SH3BP4: variants seen among roughly 807,000 people sequenced by gnomAD.
SH3BP4 encodes SH3 domain binding protein 4, also known as SH3 domain-binding protein 4.
A neutral mutation model predicts 65.5 loss-of-function variants in SH3BP4; 33 were observed. That is an observed-to-expected ratio of 0.50 (90% CI 0.38 to 0.67). The LOEUF (loss-of-function observed/expected upper bound fraction) is 0.67, where lower values mean the gene tolerates loss of function less well. Ranked by LOEUF, SH3BP4 falls within the 30% of genes least tolerant of loss-of-function variation. The probability of loss-of-function intolerance (pLI) is 0.00; values close to 1 mark genes in which losing one functional copy is unlikely to be tolerated. For missense variants in SH3BP4, 1,134 were observed against 1,261.4 expected (o/e 0.90, Z 1.53); for synonymous variants, 552 against 545.5 (o/e 1.01, Z -0.17).
intron 1 of SH3BP4, among the ~76,000 whole-genome samples, chr2:234,968,505 C>A (rs549259987): frequency 6.6e-6 from 1 of 151,026 alleles, no homozygotes; most frequent in Admixed American, 6.7e-5. Flanking sequence ...TTTTCTTTGG[C>A]TGAGAATGCC....
Position 235,033,155 on chromosome 2 carries a change from G to A in SH3BP4, c.-132-1716G>A, listed in dbSNP as rs1338759010. Among the ~76,000 whole-genome samples the A allele has an allele frequency of 6.6e-6, 1 of 152,182 alleles. No homozygotes were observed. Among genetic ancestry groups the A allele is most frequent in the East Asian group, 1.9e-4 (1 of 5,180 alleles). On this transcript the variant is annotated intron_variant, in intron 2 of 5. Coordinates refer to ENST00000392011, the MANE Select transcript of SH3BP4 (RefSeq NM_014521.3). This position sits in a 1 kb window ranked among gnomAD's most constrained non-coding sequence, Gnocchi z 5.7. ...ACCATGCCCTCCTCTCCTGCCGCCT[G>A]CTGCATTCAAGCACCACAGCCCCGG...
intron 1 of SH3BP4, among the ~76,000 whole-genome samples, chr2:234,993,624 G>A (rs965525364): frequency 3.3e-5 from 5 of 152,234 alleles, no homozygotes; most frequent in African/African-American, 7.2e-5. Context: ...AGCCTCATTC[G>A]TAGTTTCACT....
In SH3BP4 at chr2:235,045,160, A is replaced by G. The variant is rs1695809184; in HGVS notation, c.2478+1913A>G. Reference sequence around the variant, plus strand: ...GGTGCACCCAGCACAGTGGCAGACAAAGCGCCTCCATCCCGTGAGAGCCTC... The same window carrying G: ...GGTGCACCCAGCACAGTGGCAGACAGAGCGCCTCCATCCCGTGAGAGCCTC... On this transcript the variant is annotated intron_variant, in intron 4 of 5. Coordinates refer to ENST00000392011, the MANE Select transcript of SH3BP4 (RefSeq NM_014521.3). The surrounding 1 kb of genome is among the most constrained non-coding windows in gnomAD (Gnocchi z 4.3). 6.6e-6 allele frequency among the ~76,000 whole-genome samples: 1 copy of G among 152,114 alleles called. No individual in the cohort carries two copies. Among genetic ancestry groups the G allele is most frequent in the Non-Finnish European group, 1.5e-5 (1 of 68,028 alleles).
chr2:234,988,204 C>T lies in SH3BP4; in HGVS notation c.-206-7099C>T, dbSNP rs187999452. On this transcript the variant is annotated intron_variant, in intron 1 of 5. Coordinates refer to ENST00000392011, the MANE Select transcript of SH3BP4 (RefSeq NM_014521.3). ...CCTCCCAAGTAGCTGGGACTATGGG[C>T]GCCCACCACCACGCCTGGCTAATTT... Among the ~76,000 whole-genome samples the T allele has an allele frequency of 6.5e-3, 996 of 152,144 alleles. 6 individuals carry two copies. Among genetic ancestry groups the T allele is most frequent in the Non-Finnish European group, 0.011 (725 of 67,988 alleles).
rs1451600604 is a variant in SH3BP4 at position 235,035,817 on chromosome 2, AT to A, written c.118+701del. 6.6e-6 allele frequency among the ~76,000 whole-genome samples: 1 copy of A among 152,158 alleles called. No homozygotes were observed. The highest frequency in any genetic ancestry group is 1.5e-5 in the Non-Finnish European group (1 of 68,036). On this transcript the variant is annotated intron_variant, in intron 3 of 5. Coordinates refer to ENST00000392011, the MANE Select transcript of SH3BP4 (RefSeq NM_014521.3). This position sits in a 1 kb window ranked among gnomAD's most constrained non-coding sequence, Gnocchi z 5.0. ...ACACCAAGGTGAATACTAGCAGGTC[AT>A]TTTCTTCCTGCACATCTGCCCTAAC...
intron 4 of SH3BP4, among the ~76,000 whole-genome samples, chr2:235,050,061 C>T (rs1454535058): frequency 6.6e-6 from 1 of 152,144 alleles, no homozygotes; most frequent in East Asian, 1.9e-4. Context: ...ATGGGGGGCT[C>T]TGGGGAGCGG....
chr2:235,036,624 G>A (rs1315666194), intron 3 of SH3BP4, among the ~76,000 whole-genome samples: 1 of 151,590 alleles, frequency 6.6e-6, no homozygotes, highest in Admixed American at 6.6e-5. Flanking sequence ...GCATGGTGGA[G>A]CGTGCCTGTA....
In SH3BP4 at chr2:235,044,026, T is replaced by C. The variant is rs190540691; in HGVS notation, c.2478+779T>C. Among the ~76,000 whole-genome samples, 8 of 152,372 alleles carry C rather than the reference T, an allele frequency of 5.3e-5. No individual in the cohort carries two copies. In the East Asian group the frequency reaches 1.5e-3, roughly 29 times the overall value. ...GTGCTCTCGCCATTCAGTTTAGATC[T>C]CTTGGGAGCAGATGTGGTTCGTTAG... On this transcript the variant is annotated intron_variant, in intron 4 of 5. Coordinates refer to ENST00000392011, the MANE Select transcript of SH3BP4 (RefSeq NM_014521.3).
chr2:235,041,747 CG>C lies in SH3BP4; in HGVS notation c.983del (p.Gly328ValfsTer29). 1 of 1,607,296 alleles carries C rather than the reference CG, an allele frequency of 6.2e-7. No homozygotes were observed. The highest frequency in any genetic ancestry group is 1.1e-5 in the South Asian group (1 of 90,474). ...ACATCGTGTGCAAGCTGGATAGCTC[CG>C]GGGGTGCTGTCCAGCTTCCTGACAC... ...TNIVCKLDSS[G>X]GAVQLPDTSI... On this transcript the variant is annotated frameshift_variant, in exon 4 of 6. Coordinates refer to ENST00000392011, the MANE Select transcript of SH3BP4 (RefSeq NM_014521.3). LOFTEE classifies it high-confidence loss of function. This position sits in a 1 kb window ranked among gnomAD's most constrained non-coding sequence, Gnocchi z 6.0.
In SH3BP4 at chr2:234,978,353, T is replaced by G. The variant is rs751038697; in HGVS notation, c.-206-16950T>G. Among the ~76,000 whole-genome samples the G allele has an allele frequency of 6.6e-6, 1 of 152,338 alleles. No individual in the cohort carries two copies. Among genetic ancestry groups the G allele is most frequent in the Non-Finnish European group, 1.5e-5 (1 of 68,044 alleles). ...TTCATTCAACAAGTACCTGACAGCC[T>G]GTACAGCAGTGGTGCCAGGTGAGGA... On this transcript the variant is annotated intron_variant, in intron 1 of 5. Coordinates refer to ENST00000392011, the MANE Select transcript of SH3BP4 (RefSeq NM_014521.3). This position sits in a 1 kb window ranked among gnomAD's most constrained non-coding sequence, Gnocchi z 4.1.
chr2:235,024,868 G>A (rs889688079), intron 2 of SH3BP4, among the ~76,000 whole-genome samples: 3 of 152,098 alleles, frequency 2.0e-5, no homozygotes, highest in Admixed American at 6.6e-5. Flanking sequence ...TTCCAGTGCC[G>A]AAGCTTTGCG....
In SH3BP4 at chr2:235,041,358, G is replaced by A. The variant is rs3731646; in HGVS notation, c.589G>A (p.Ala197Thr). ...KSTVDLLLFD[A>T]GTSSFTESSS... ...TACTGTGGATTTGCTCCTTTTTGAC[G>A]CAGGTACATCCTCCTTCACCGAATC... is the stretch of plus-strand genomic sequence containing the variant. Residue 197 changes from alanine to threonine, a missense_variant, in exon 4 of 6, where the codon GCA (alanine) becomes ACA (threonine). Ala to Thr is a moderately conservative substitution (Grantham distance 58). Transcript: ENST00000392011. This position sits in a 1 kb window ranked among gnomAD's most constrained non-coding sequence, Gnocchi z 6.0. The A allele has an allele frequency of 0.13, 216,607 of 1,613,906 alleles. 22,228 individuals are homozygous for A. Among genetic ancestry groups the A allele is most frequent in the East Asian group, 0.45 (20,023 of 44,846 alleles).
intron 1 of SH3BP4, among the ~76,000 whole-genome samples, chr2:234,986,809 A>T (rs1047220140): frequency 8.3e-5 from 11 of 133,320 alleles, no homozygotes; most frequent in South Asian, 2.4e-4. Flanking sequence ...TAATGATTTT[A>T]TTTTTTTTTT....
intron 2 of SH3BP4, among the ~76,000 whole-genome samples, chr2:235,027,341 C>T (rs1280608852): frequency 6.6e-6 from 1 of 151,298 alleles, no homozygotes; most frequent in Admixed American, 6.6e-5. Context: ...GGAGTCCCTC[C>T]CACCCACCCC....
chr2:235,000,880 C>G (rs1189101055), intron 2 of SH3BP4, among the ~76,000 whole-genome samples: 1 of 152,228 alleles, frequency 6.6e-6, no homozygotes, highest in Non-Finnish European at 1.5e-5. Context: ...TGGTGTCTCC[C>G]CATCGCCCCA....
At position 234,973,788 on chromosome 2, in the gene SH3BP4, A is replaced by G. The variant is rs147380043; in HGVS notation, c.-206-21515A>G. Among the ~76,000 whole-genome samples the G allele has an allele frequency of 3.3e-3, 495 of 151,992 alleles. 2 individuals are homozygous for G. Among genetic ancestry groups the G allele is most frequent in the African/African-American group, 0.011 (464 of 41,444 alleles). On this transcript the variant is annotated intron_variant, in intron 1 of 5. Coordinates refer to ENST00000392011, the MANE Select transcript of SH3BP4 (RefSeq NM_014521.3). ...GTAGCTGGGCCCACAGGCGTGTGCT[A>G]CCACACCCAGCTAAGTTTTACAACT...
intron 2 of SH3BP4, among the ~76,000 whole-genome samples, chr2:235,016,531 CAG>C (rs1334917675): frequency 6.6e-6 from 1 of 152,012 alleles, no homozygotes; most frequent in African/African-American, 2.4e-5. Context: ...CTTTTTGAGA[CAG>C]AGTCTCACTC....
In SH3BP4 at chr2:235,042,923, C is replaced by T. The variant is rs200870479; in HGVS notation, c.2154C>T (p.Asn718=). The T allele has an allele frequency of 2.5e-5, 40 of 1,613,246 alleles. No individual in the cohort carries two copies. In the African/African-American group the frequency reaches 2.7e-4, roughly 11 times the overall value. ...QGRVGLVHTK[N]VLVVGRARPS... ...GGGTGGGCCTCGTGCACACCAAGAA[C>T]GTGCTGGTGGTCGGCAGGGCCCGGC... is the stretch of plus-strand genomic sequence containing the variant. Residue 718 remains asparagine, a synonymous_variant, in exon 4 of 6, where the codon AAC becomes AAT. Coordinates refer to ENST00000392011, the MANE Select transcript of SH3BP4 (RefSeq NM_014521.3). This position sits in a 1 kb window ranked among gnomAD's most constrained non-coding sequence, Gnocchi z 7.3.
At chr2:234,990,363 T>TA (rs1474756369) in intron 1 of SH3BP4, among the ~76,000 whole-genome samples, 1 of 152,172 alleles carries the variant, frequency 6.6e-6, no homozygotes, top group African/African-American at 2.4e-5. Context: ...TGTGGAGGCT[T>TA]AAAAAATCTA....
Sources: allele counts gnomAD v4.1 joint callset (sites outside exome capture counted in the v4.1 genomes callset), GRCh38; gene constraint gnomAD v4.1.1; non-coding constraint Gnocchi (gnomAD v3.1); transcripts MANE v1.5; gene names NCBI Gene and HGNC (gene_info 2026-07-23, HGNC 2026-07-21).